The following SLC25A21 variants were observed in gnomAD, a reference collection of about 807,000 sequenced individuals.
The protein encoded by SLC25A21 is mitochondrial 2-oxodicarboxylate carrier.
In SLC25A21, 47 loss-of-function variants were observed where a neutral mutation model predicts 43.8. The observed-to-expected ratio is 1.07, with a 90% confidence interval of 0.85 to 1.37. The LOEUF (loss-of-function observed/expected upper bound fraction) is 1.37, where lower values mean the gene tolerates loss of function less well. Among genes scored for constraint, SLC25A21 ranks in the 40% most tolerant of loss-of-function variants. The probability of loss-of-function intolerance (pLI) is 0.00; values close to 1 mark genes in which losing one functional copy is unlikely to be tolerated. For missense variants in SLC25A21, 352 were observed against 350.2 expected (o/e 1.00, Z -0.04); for synonymous variants, 131 against 121.3 (o/e 1.08, Z -0.52).
At chr14:37,127,063 C>T (rs1963309751) in intron 1 of SLC25A21, among the ~76,000 whole-genome samples, 1 of 152,082 alleles carries the variant, frequency 6.6e-6, no homozygotes, top group African/African-American at 2.4e-5. Context: ...TCTGAGAGCA[C>T]TGGGTTCACC....
chr14:36,922,137 T>TAA (rs564666171), intron 1 of SLC25A21, among the ~76,000 whole-genome samples: 17 of 131,174 alleles, frequency 1.3e-4, no homozygotes, highest in East Asian at 4.4e-4. Flanking sequence ...AGATTCTGCC[T>TAA]AAAAAAAAAA....
At chr14:36,819,552 T>C (rs1159666819) in intron 2 of SLC25A21, among the ~76,000 whole-genome samples, 1 of 152,122 alleles carries the variant, frequency 6.6e-6, no homozygotes, top group Non-Finnish European at 1.5e-5. Context: ...AAAAGAAAGA[T>C]ATGCCTGTAA....
chr14:36,956,586 CA>C (rs1401602830), intron 1 of SLC25A21, among the ~76,000 whole-genome samples: 1 of 152,046 alleles, frequency 6.6e-6, no homozygotes, highest in Non-Finnish European at 1.5e-5. Flanking sequence ...TTTTTTTTGA[CA>C]AAGAGAGTAT....
chr14:36,803,541 A>G (rs1253393482), intron 3 of SLC25A21, among the ~76,000 whole-genome samples: 1 of 152,194 alleles, frequency 6.6e-6, no homozygotes, highest in Admixed American at 6.5e-5. Context: ...AAACTAATTC[A>G]TTTAACAATA....
At chr14:36,888,209 G>A (rs1025405479) in intron 1 of SLC25A21, among the ~76,000 whole-genome samples, 1 of 152,124 alleles carries the variant, frequency 6.6e-6, no homozygotes, top group African/African-American at 2.4e-5. Context: ...ATAGTATATG[G>A]AGGGTCATTT....
At chr14:36,930,535 C>T (rs531188492) in intron 1 of SLC25A21, among the ~76,000 whole-genome samples, 6 of 152,222 alleles carry the variant, frequency 3.9e-5, no homozygotes, top group Admixed American at 2.0e-4. Context: ...TTATATCGAT[C>T]TGTAACTTCT....
intron 2 of SLC25A21, among the ~76,000 whole-genome samples, chr14:36,851,836 T>G (rs1263942102): frequency 6.6e-6 from 1 of 152,186 alleles, no homozygotes; most frequent in Non-Finnish European, 1.5e-5. Context: ...TGATACACAC[T>G]GATGTTTGCT....
intron 1 of SLC25A21, among the ~76,000 whole-genome samples, chr14:37,131,998 G>A (rs1248443405): frequency 3.3e-5 from 5 of 152,132 alleles, no homozygotes; most frequent in Non-Finnish European, 5.9e-5. Context: ...ATAAAGAAAA[G>A]AAATTTATTT....
chr14:37,021,517 C>T (rs12050091), intron 1 of SLC25A21, among the ~76,000 whole-genome samples: 43,739 of 151,870 alleles, frequency 0.29, 10,836 homozygotes, highest in African/African-American at 0.68. Context: ...TCTATTTCTT[C>T]AGTAATTTAC....
At chr14:36,847,756 G>T (rs1227593767) in intron 2 of SLC25A21, among the ~76,000 whole-genome samples, 1 of 152,224 alleles carries the variant, frequency 6.6e-6, no homozygotes, top group East Asian at 1.9e-4. Context: ...AAACAGCTAT[G>T]AGGTGGGAAA....
intron 1 of SLC25A21, among the ~76,000 whole-genome samples, chr14:37,078,331 G>C (rs561056705): frequency 4.9e-4 from 75 of 152,212 alleles, no homozygotes; most frequent in African/African-American, 1.7e-3. Context: ...CAAAGTTCTT[G>C]GTGTCCAAGA....
intron 1 of SLC25A21, among the ~76,000 whole-genome samples, chr14:37,010,988 G>A (rs1960718213): frequency 6.6e-6 from 1 of 152,190 alleles, no homozygotes; most frequent in Admixed American, 6.5e-5. Context: ...CCAGGTTCAA[G>A]CAATTCTCCT....
chr14:37,048,064 T>C (rs192537410), intron 1 of SLC25A21, among the ~76,000 whole-genome samples: 1 of 152,312 alleles, frequency 6.6e-6, no homozygotes, highest in Non-Finnish European at 1.5e-5. Context: ...AAAAATATTG[T>C]TCAAACGCTC....
At chr14:36,778,209 C>G (rs1379199712) in intron 3 of SLC25A21, among the ~76,000 whole-genome samples, 1 of 152,212 alleles carries the variant, frequency 6.6e-6, no homozygotes, top group East Asian at 1.9e-4. Flanking sequence ...GGCATTTTGA[C>G]TTCATCTCCT....
chr14:36,826,446 T>C (rs1181250596), intron 2 of SLC25A21, among the ~76,000 whole-genome samples: 1 of 152,198 alleles, frequency 6.6e-6, no homozygotes, highest in Non-Finnish European at 1.5e-5. Flanking sequence ...TGCCCATCAG[T>C]GTGTCTGCCT....
At chr14:36,780,646 T>C (rs1400598596) in intron 3 of SLC25A21, among the ~76,000 whole-genome samples, 1 of 152,118 alleles carries the variant, frequency 6.6e-6, no homozygotes, top group East Asian at 1.9e-4. Flanking sequence ...GTTTTCCTCC[T>C]GTTAATGACA....
intron 7 of SLC25A21, among the ~76,000 whole-genome samples, chr14:36,694,689 G>C (rs1215551906): frequency 6.6e-6 from 1 of 152,124 alleles, no homozygotes; most frequent in African/African-American, 2.4e-5. Flanking sequence ...TCATGTATCT[G>C]TTGGCTGCAT....
intron 1 of SLC25A21, among the ~76,000 whole-genome samples, chr14:37,158,291 C>T (rs1594823573): frequency 6.6e-6 from 1 of 152,070 alleles, no homozygotes; most frequent in Non-Finnish European, 1.5e-5. Context: ...GAGTAAACTA[C>T]AAGCCAATGT....
intron 1 of SLC25A21, among the ~76,000 whole-genome samples, chr14:36,936,796 T>A (rs186392053): frequency 1.3e-5 from 2 of 152,268 alleles, no homozygotes; most frequent in African/African-American, 4.8e-5. Flanking sequence ...TCATGCAGTC[T>A]CTAAATCTGA....
Sources: allele counts gnomAD v4.1 joint callset (sites outside exome capture counted in the v4.1 genomes callset), GRCh38; gene constraint gnomAD v4.1.1; transcripts MANE v1.5; gene names NCBI Gene and HGNC (gene_info 2026-07-23, HGNC 2026-07-21).